GRIA2: variants seen among roughly 807,000 people sequenced by gnomAD.
GRIA2 encodes the protein glutamate ionotropic receptor AMPA type subunit 2.
In GRIA2, 14 loss-of-function variants were observed where a neutral mutation model predicts 97.3. The ratio of observed to expected loss-of-function variants is 0.14; its 90% CI spans 0.10 to 0.23. The LOEUF is 0.23. GRIA2 is among the 10% of genes least tolerant of loss of function. The probability of loss-of-function intolerance (pLI) is 1.00; values close to 1 mark genes in which losing one functional copy is unlikely to be tolerated. For synonymous variants in GRIA2, 412 were observed against 387.8 expected (o/e 1.06, Z -0.73); for missense variants, 558 against 1,069.8 (o/e 0.52, Z 6.67).
chr4:157,247,399 G>T (rs775297611), intron 2 of GRIA2, among the ~76,000 whole-genome samples: 12 of 152,110 alleles, frequency 7.9e-5, no homozygotes, highest in Non-Finnish European at 1.5e-4. Flanking sequence ...TGTGGGGGTA[G>T]AAAAAAGAAT....
chr4:157,253,164 T>C (rs1338019038), intron 2 of GRIA2, among the ~76,000 whole-genome samples: 1 of 151,844 alleles, frequency 6.6e-6, no homozygotes, highest in Admixed American at 6.6e-5. Context: ...TCGCCCAGGC[T>C]GAAGTGCAGT....
At chr4:157,315,854 C>T (rs982177809) in intron 4 of GRIA2, among the ~76,000 whole-genome samples, 1 of 152,090 alleles carries the variant, frequency 6.6e-6, no homozygotes, top group Non-Finnish European at 1.5e-5. Context: ...TTTTATAAAA[C>T]TTTGACAGCA....
At chr4:157,346,005 C>A (rs888672616) in intron 12 of GRIA2, among the ~76,000 whole-genome samples, 5 of 151,968 alleles carry the variant, frequency 3.3e-5, no homozygotes, top group African/African-American at 1.2e-4. Context: ...TAATGGATAA[C>A]TAGTATTAAT....
At chr4:157,297,944 A>G (rs1733425208) in intron 2 of GRIA2, among the ~76,000 whole-genome samples, 1 of 152,104 alleles carries the variant, frequency 6.6e-6, no homozygotes, top group African/African-American at 2.4e-5. Flanking sequence ...CAGTAAATAA[A>G]GGATGACAGC....
chr4:157,304,052 T>C (rs1381147067), intron 3 of GRIA2, among the ~76,000 whole-genome samples: 2 of 152,180 alleles, frequency 1.3e-5, no homozygotes, highest in Non-Finnish European at 2.9e-5. Flanking sequence ...TCAGTTGTAA[T>C]ATAAAAAGCA....
intron 2 of GRIA2, among the ~76,000 whole-genome samples, chr4:157,224,704 C>T (rs1334872445): frequency 6.6e-6 from 1 of 152,034 alleles, no homozygotes; most frequent in Non-Finnish European, 1.5e-5. Flanking sequence ...GGGTCTTGAT[C>T]GTTTAAATCC....
At chr4:157,235,858 C>G (rs1257891936) in intron 2 of GRIA2, among the ~76,000 whole-genome samples, 3 of 151,794 alleles carry the variant, frequency 2.0e-5, no homozygotes, top group Middle Eastern at 3.2e-3. Context: ...ATAATAAATA[C>G]TATTTTAGGT....
chr4:157,359,823 C>T, intron 12 of GRIA2, 73 bp from the exon 13 acceptor site: 2 of 1,336,302 alleles, frequency 1.5e-6, no homozygotes, highest in Admixed American at 2.0e-5. Context: ...AAAGTAATAC[C>T]TCTTTTTGTG....
chr4:157,251,134 T>C (rs1209504692), intron 2 of GRIA2, among the ~76,000 whole-genome samples: 1 of 152,040 alleles, frequency 6.6e-6, no homozygotes, highest in African/African-American at 2.4e-5. Flanking sequence ...AAAATTTCAT[T>C]GTCATTTTAA....
chr4:157,333,852 C>T (rs1036345436), intron 8 of GRIA2, among the ~76,000 whole-genome samples, 158 bp from the exon 9 acceptor site: 1 of 151,980 alleles, frequency 6.6e-6, no homozygotes, highest in Non-Finnish European at 1.5e-5. Context: ...TCCTTTTATT[C>T]CTGTTAGATT....
chr4:157,270,727 G>C (rs1461402399), intron 2 of GRIA2, among the ~76,000 whole-genome samples: 2 of 151,956 alleles, frequency 1.3e-5, no homozygotes, highest in South Asian at 4.2e-4. Context: ...AAAGTATTAC[G>C]GCAGTGCTGG....
At chr4:157,329,174 T>C (rs903582775) in intron 6 of GRIA2, among the ~76,000 whole-genome samples, 10 of 152,098 alleles carry the variant, frequency 6.6e-5, no homozygotes, top group African/African-American at 1.9e-4. Flanking sequence ...ATTTGGTCAC[T>C]GTTGGTTATC....
intron 2 of GRIA2, among the ~76,000 whole-genome samples, chr4:157,251,735 C>T (rs1365950904): frequency 1.3e-5 from 2 of 152,070 alleles, no homozygotes; most frequent in Non-Finnish European, 2.9e-5. Flanking sequence ...AATAAAATGT[C>T]TATTTTTAAG....
intron 2 of GRIA2, among the ~76,000 whole-genome samples, chr4:157,278,320 T>C (rs926833832): frequency 2.6e-5 from 4 of 151,858 alleles, no homozygotes; most frequent in Non-Finnish European, 5.9e-5. Context: ...AATAGACTCA[T>C]ATAAGTATAG....
chr4:157,259,323 G>T (rs72687304), intron 2 of GRIA2, among the ~76,000 whole-genome samples: 1,802 of 152,184 alleles, frequency 0.012, 40 homozygotes, highest in Non-Finnish European at 0.012. Flanking sequence ...ATATGCTCCA[G>T]CATACTGGGA....
intron 11 of GRIA2, 116 bp downstream of exon 11, chr4:157,336,863 T>G: frequency 1.1e-6 from 1 of 901,232 alleles, no homozygotes; most frequent in Non-Finnish European, 1.7e-6. Flanking sequence ...CCAAGCAGTT[T>G]AAGACTCTTG....
intron 2 of GRIA2, among the ~76,000 whole-genome samples, chr4:157,255,041 T>C (rs1731179528): frequency 6.6e-6 from 1 of 152,026 alleles, no homozygotes; most frequent in Admixed American, 6.6e-5. Context: ...ATAGTGTACA[T>C]TGTACCTAAT....
chr4:157,332,239 A>C (rs1161942603), intron 6 of GRIA2, among the ~76,000 whole-genome samples: 1 of 151,996 alleles, frequency 6.6e-6, no homozygotes, highest in African/African-American at 2.4e-5. Context: ...ATACTATTGA[A>C]GCATGGAGGC....
chr4:157,230,030 C>A (rs1729929590), intron 2 of GRIA2, among the ~76,000 whole-genome samples: 1 of 152,082 alleles, frequency 6.6e-6, no homozygotes, highest in African/African-American at 2.4e-5. Context: ...TTACCTGATT[C>A]TTTATCCCTA....
Sources: gnomAD v4.1 joint callset for allele counts (sites outside exome capture counted in the v4.1 genomes callset) on GRCh38, gnomAD v4.1.1 for gene constraint, MANE v1.5 for transcripts, NCBI Gene and HGNC (gene_info 2026-07-23, HGNC 2026-07-21) for gene names.